Variants in GLG1 observed in about 807,000 individuals in gnomAD.
GLG1 encodes the protein golgi glycoprotein 1, also known as Golgi apparatus protein 1.
In GLG1, 38 loss-of-function variants were observed where a neutral mutation model predicts 160.5. The ratio of observed to expected loss-of-function variants is 0.24; its 90% CI spans 0.18 to 0.31. The LOEUF is 0.31. Among genes scored for constraint, GLG1 ranks in the 10% least tolerant of loss-of-function variants. The pLI is 1.00. For synonymous variants in GLG1, 644 were observed against 543.4 expected, an observed-to-expected ratio of 1.19 and a Z score of -2.57; for missense variants, 1,373 against 1,505.2, an observed-to-expected ratio of 0.91 and a Z score of 1.45.
intron 3 of GLG1, among the ~76,000 whole-genome samples, chr16:74,506,590 A>AAAAAAAAG (rs1342930608): frequency 6.8e-6 from 1 of 148,142 alleles, no homozygotes; most frequent in Non-Finnish European, 1.5e-5. Flanking sequence ...TCAAAAAAAA[A>AAAAAAAAG]AAAAAAAAAA....
At chr16:74,525,634 C>T (rs2017310476) in intron 2 of GLG1, among the ~76,000 whole-genome samples, 1 of 150,228 alleles carries the variant, frequency 6.7e-6, no homozygotes, top group African/African-American at 2.5e-5. Flanking sequence ...AGCATCTTTT[C>T]ATGTGTAACT....
chr16:74,592,640 A>C (rs1366902426), intron 1 of GLG1, among the ~76,000 whole-genome samples: 2 of 152,186 alleles, frequency 1.3e-5, no homozygotes, highest in Non-Finnish European at 2.9e-5. Context: ...CTGAGAGATT[A>C]ATTTGCCCAA....
intron 8 of GLG1, among the ~76,000 whole-genome samples, chr16:74,490,094 G>A (rs1030334406): frequency 1.6e-4 from 24 of 152,168 alleles, no homozygotes; most frequent in Middle Eastern, 3.2e-3. Context: ...TATCTCTTGT[G>A]CTCCCCAAAG....
intron 1 of GLG1, among the ~76,000 whole-genome samples, chr16:74,532,608 C>G (rs1326968163): frequency 2.0e-5 from 3 of 152,064 alleles, no homozygotes; most frequent in Non-Finnish European, 4.4e-5. Context: ...ATGGCAGCCT[C>G]AACCTCCCAG....
At chr16:74,522,846 G>C (rs983553534) in intron 2 of GLG1, among the ~76,000 whole-genome samples, 1 of 152,030 alleles carries the variant, frequency 6.6e-6, no homozygotes, top group Non-Finnish European at 1.5e-5. Context: ...ACCACACCCA[G>C]CTAATTTTTC....
chr16:74,490,008 CTGAT>C (rs948789712), intron 8 of GLG1, among the ~76,000 whole-genome samples: 3 of 152,178 alleles, frequency 2.0e-5, no homozygotes, highest in Admixed American at 2.0e-4. Flanking sequence ...AAATAATAGA[CTGAT>C]TGTGGCTTTC....
intron 2 of GLG1, among the ~76,000 whole-genome samples, chr16:74,531,483 TA>T (rs755879496): frequency 6.6e-6 from 1 of 152,258 alleles, no homozygotes; most frequent in Non-Finnish European, 1.5e-5. Context: ...CATGCCCAGC[TA>T]ATTTTTGTTT....
rs2015546295 is a variant in GLG1 at position 74,480,154 on chromosome 16, A to G, written c.1827+87T>C. The G allele has an allele frequency of 6.3e-6, 7 of 1,118,534 alleles. No individual in the cohort carries two copies. In the East Asian group the frequency reaches 1.2e-4, roughly 19 times the overall value. 69.3% of individuals were successfully genotyped at this position (1,118,534 alleles called of 1,614,324 possible). On this transcript the variant is annotated intron_variant, in intron 11 of 25. Transcript: ENST00000422840. ...CAAAATAGTCTAAAAAGTTTTCCTA[A>G]TATGACTGAAATCAGAAGAATATAC...
intron 1 of GLG1, among the ~76,000 whole-genome samples, chr16:74,532,941 CA>C (rs1179672957): frequency 6.6e-6 from 1 of 152,052 alleles, no homozygotes; most frequent in Non-Finnish European, 1.5e-5. Context: ...TAATTCATAA[CA>C]AAAAGTTTTT....
intron 13 of GLG1, chr16:74,472,769 T>C (rs902018194): frequency 2.3e-5 from 9 of 383,872 alleles, no homozygotes; most frequent in African/African-American, 1.3e-4. Context: ...GTAACTGATA[T>C]CCATCTTCAG....
chr16:74,542,738 GAA>G (rs1567513934), intron 1 of GLG1, among the ~76,000 whole-genome samples: 21 of 4,646 alleles, frequency 4.5e-3, no homozygotes, highest in Non-Finnish European at 9.7e-3. Flanking sequence ...AGGAAGGGAG[GAA>G]GGAAGGAAGG....
At chr16:74,558,338 T>C (rs1376335006) in intron 1 of GLG1, among the ~76,000 whole-genome samples, 1 of 152,220 alleles carries the variant, frequency 6.6e-6, no homozygotes, top group Admixed American at 6.5e-5. Flanking sequence ...AAGAAGCATC[T>C]CAATGTAACA....
At position 74,453,157 on chromosome 16, in the gene GLG1, C is replaced by T. The variant is rs1367037585; in HGVS notation, c.*10G>A. 7.4e-6 allele frequency: 12 copies of T among 1,612,580 alleles called. No individual in the cohort carries two copies. Among genetic ancestry groups the T allele is most frequent in the Non-Finnish European group, 8.5e-6 (10 of 1,179,152 alleles). The stretch of plus-strand genomic sequence containing the variant: ...CTGGATAGGTAGTTCCTTTGGTGGT[C>T]AAGGTGGCTCTACCTGTCCTTGAGC... On this transcript the variant is annotated 3_prime_UTR_variant, in exon 26 of 26. Transcript: ENST00000422840.
At position 74,448,897 on chromosome 16, in the gene GLG1, T is replaced by C. The variant is rs2014179613; in HGVS notation, c.*4270A>G. On this transcript the variant is annotated 3_prime_UTR_variant, in exon 26 of 26. Transcript: ENST00000422840. Reference sequence around the variant, plus strand: ...GTGGGCACATCATGAGGTCAGGAGATGGAGACCATCCTGGACAACACGGTG... The same window carrying C: ...GTGGGCACATCATGAGGTCAGGAGACGGAGACCATCCTGGACAACACGGTG... The C allele has an allele frequency of 6.6e-6, 1 of 151,998 alleles. No homozygotes were observed. The highest frequency in any genetic ancestry group is 1.5e-5 in the Non-Finnish European group (1 of 68,060). The allele number at this position is 151,998 out of a possible 1,614,324, so 9.4% of individuals were successfully genotyped here.
At position 74,503,615 on chromosome 16, in the gene GLG1, A is replaced by G; in HGVS notation, c.690T>C (p.Asp230=). Residue 230 remains aspartate, a synonymous_variant, in exon 4 of 26, where the codon GAT becomes GAC. Transcript: ENST00000422840. ...CCATGAAGCCACAGATTAAACGGTAATCACTAAAAATGATGGCCGTCATCT... is the reference window on the plus strand; with the variant it reads ...CCATGAAGCCACAGATTAAACGGTAGTCACTAAAAATGATGGCCGTCATCT... ...ITKMTAIIFS[D]YRLICGFMDD... is the part of the protein sequence containing the mutation. 3 of 1,613,722 alleles carry G rather than the reference A, an allele frequency of 1.9e-6. No homozygotes were observed. Among genetic ancestry groups the G allele is most frequent in the Non-Finnish European group, 2.5e-6 (3 of 1,179,606 alleles).
rs535569843 is a variant in GLG1 at position 74,454,639 on chromosome 16, C to A, written c.3373-1305G>T. On this transcript the variant is annotated intron_variant, in intron 25 of 25. Transcript: ENST00000422840. Reference sequence around the variant, plus strand: ...CAAGACTGCACTACTGGACTCCAGCCTGGGCAACAGGACGAGAATCCGTCC... The same window carrying A: ...CAAGACTGCACTACTGGACTCCAGCATGGGCAACAGGACGAGAATCCGTCC... 1.7e-3 allele frequency among the ~76,000 whole-genome samples: 227 copies of A among 132,758 alleles called. No individual in the cohort carries two copies. The Admixed American group carries it at 0.019, about 11-fold the overall frequency. The allele number at this position is 132,758 out of a possible 152,430, so 87.1% of individuals were successfully genotyped here.
Position 74,586,686 on chromosome 16 carries a change from C to A in GLG1, c.438+19971G>T, listed in dbSNP as rs1597374218. ...TCAGAACTTTGGATCAAAATACACA[C>A]ACATTTGTAATTCTAATTTTTTTTT... On this transcript the variant is annotated intron_variant, in intron 1 of 25. Coordinates refer to ENST00000422840, the MANE Select transcript of GLG1 (RefSeq NM_001145667.2). Among the ~76,000 whole-genome samples the A allele has an allele frequency of 2.0e-5, 3 of 151,398 alleles. No homozygotes were observed. In the East Asian group the frequency reaches 5.8e-4, roughly 29 times the overall value.
chr16:74,545,329 T>C (rs2018016934), intron 1 of GLG1, among the ~76,000 whole-genome samples: 1 of 152,094 alleles, frequency 6.6e-6, no homozygotes, highest in Non-Finnish European at 1.5e-5. Flanking sequence ...TACAGGTGCA[T>C]GCCACTACAC....
intron 1 of GLG1, among the ~76,000 whole-genome samples, chr16:74,600,723 T>C (rs1038303992): frequency 1.6e-5 from 2 of 123,858 alleles, no homozygotes; most frequent in Non-Finnish European, 3.2e-5. Context: ...CTGAGAAAGA[T>C]TCCACCTCAA....
Sources: allele counts gnomAD v4.1 joint callset (sites outside exome capture counted in the v4.1 genomes callset), GRCh38; gene constraint gnomAD v4.1.1; transcripts MANE v1.5; gene names NCBI Gene and HGNC (gene_info 2026-07-23, HGNC 2026-07-21).